LARP7: variants seen among roughly 807,000 people sequenced by gnomAD.
LARP7 encodes La ribonucleoprotein 7, transcriptional regulator, also known as la-related protein 7.
In LARP7, 52 loss-of-function variants were observed where a neutral mutation model predicts 69.3. The ratio of observed to expected loss-of-function variants is 0.75; its 90% CI spans 0.60 to 0.95. The LOEUF (loss-of-function observed/expected upper bound fraction) is 0.95, where lower values mean the gene tolerates loss of function less well. Ranked by LOEUF, LARP7 falls within the 40% of genes least tolerant of loss-of-function variation. LARP7 has a pLI of 0.00. For missense variants in LARP7, 733 were observed against 673.0 expected (o/e 1.09, Z -0.99); for synonymous variants, 254 against 215.9 (o/e 1.18, Z -1.55).
At chr4:112,638,235 A>G (rs1269472703) in intron 1 of LARP7, among the ~76,000 whole-genome samples, 3 of 151,906 alleles carry the variant, frequency 2.0e-5, no homozygotes, top group African/African-American at 7.3e-5. Flanking sequence ...AGCAGAGATT[A>G]CAGTGAGCCG....
At chr4:112,642,744 A>G (rs1033416440) in intron 1 of LARP7, among the ~76,000 whole-genome samples, 9 of 152,238 alleles carry the variant, frequency 5.9e-5, no homozygotes, top group Non-Finnish European at 1.0e-4. Context: ...ACAGGCATGT[A>G]TGCCTTCCCT....
rs745835375 is a variant in LARP7 at position 112,657,301 on chromosome 4, CAT to C, written c.1727_1728del (p.Ile576LysfsTer4). 1.2e-5 allele frequency: 19 copies of C among 1,577,958 alleles called. No homozygotes were observed. The highest frequency in any genetic ancestry group is 1.0e-5 in the Non-Finnish European group (12 of 1,159,188). On this transcript the variant is annotated frameshift_variant, in exon 13 of 13. Coordinates refer to ENST00000344442, the MANE Select transcript of LARP7 (RefSeq NM_016648.4). LOFTEE classifies it high-confidence loss of function. ...RLAKTQQASKHIRFSEYD is the reference protein window; with the variant it reads ...RLAKTQQASKXIRFSEYD ...GGCAAAGACTCAACAAGCGAGTAAA[CAT>C]ATAAGATTTTCTGAATATGATTGAA...
intron 12 of LARP7, chr4:112,655,568 A>G (rs928092715): frequency 1.3e-5 from 2 of 152,222 alleles, no homozygotes; most frequent in Admixed American, 1.3e-4. Context: ...AGTTTAGCCA[A>G]CTTGTTTGCT....
intron 12 of LARP7, among the ~76,000 whole-genome samples, chr4:112,656,146 T>G (rs1174840482): frequency 6.6e-6 from 1 of 152,210 alleles, no homozygotes; most frequent in Non-Finnish European, 1.5e-5. Context: ...GGCTCATGCC[T>G]ATAATCCCAG....
In LARP7 at chr4:112,647,296, C is replaced by G. The variant is rs186223016; in HGVS notation, c.744C>G (p.Ile248Met). ...EENMDTSNTS[I>M]SKMKRSRPTS... ...ACATGGACACAAGCAACACCAGCATCAGTAAAATGAAAAGATCCAGACCCA... is the reference window on the plus strand; with the variant it reads ...ACATGGACACAAGCAACACCAGCATGAGTAAAATGAAAAGATCCAGACCCA... The change falls in exon 7 of 13, where the codon ATC becomes ATG. Residue 248 changes from isoleucine to methionine, a missense_variant. By Grantham distance (10) the Ile-to-Met change is conservative. Transcript: ENST00000344442. The G allele has an allele frequency of 1.2e-6, 2 of 1,613,946 alleles. No individual in the cohort carries two copies. Among genetic ancestry groups the G allele is most frequent in the African/African-American group, 1.3e-5 (1 of 75,014 alleles).
rs1412647447 is a variant in LARP7 at position 112,647,117 on chromosome 4, A to C, written c.636A>C (p.Leu212Phe). The change falls in exon 6 of 13, where the codon TTA becomes TTC. Residue 212 changes from leucine (L) to phenylalanine (F), a missense_variant. Transcript: ENST00000344442. ...TGAAAAATAAGCCCATTCCAGCCTT[A>C]AGAGTTGTGGGTGAGTATTTTTCAA... is the stretch of plus-strand genomic sequence containing the variant. ...KTVKNKPIPA[L>F]RVVEEKKKKK... 5 of 1,607,848 alleles carry C rather than the reference A, an allele frequency of 3.1e-6. No individual in the cohort carries two copies. Among genetic ancestry groups the C allele is most frequent in the Non-Finnish European group, 4.2e-6 (5 of 1,178,654 alleles).
chr4:112,648,043 C>T (rs2048422165), intron 8 of LARP7: 2 of 654,380 alleles, frequency 3.1e-6, no homozygotes, highest in Non-Finnish European at 5.9e-6. Context: ...TGTCATGTCA[C>T]AGCAAGTGCC....
At position 112,647,110 on chromosome 4, in the gene LARP7, CAGCCTTAAG is replaced by C. The variant is rs773778731; in HGVS notation, c.632_640del (p.Ala211_Arg213del). The C allele has an allele frequency of 6.2e-7, 1 of 1,609,808 alleles. No individual in the cohort carries two copies. Among genetic ancestry groups the C allele is most frequent in the Non-Finnish European group, 8.5e-7 (1 of 1,179,106 alleles). On this transcript the variant is annotated inframe_deletion, in exon 6 of 13. Coordinates refer to ENST00000344442, the MANE Select transcript of LARP7 (RefSeq NM_016648.4). ...AAAACAGTGAAAAATAAGCCCATTC[CAGCCTTAAG>C]AGTTGTGGGTGAGTATTTTTCAATA...
intron 2 of LARP7, among the ~76,000 whole-genome samples, chr4:112,646,003 T>TG (rs2048196832): frequency 3.1e-5 from 4 of 129,024 alleles, no homozygotes; most frequent in African/African-American, 1.5e-4. Context: ...CAGTTTTTTT[T>TG]TGTTTGTTTT....
At chr4:112,648,181 T>A (rs1176217181) in intron 8 of LARP7, 6 of 531,394 alleles carry the variant, frequency 1.1e-5, no homozygotes, top group Non-Finnish European at 2.3e-5. Context: ...AAGGAAGACT[T>A]ACCATCACCA....
intron 10 of LARP7, among the ~76,000 whole-genome samples, chr4:112,651,557 TTAAA>T (rs1473548573): frequency 5.3e-5 from 8 of 152,218 alleles, no homozygotes; most frequent in African/African-American, 1.9e-4. Context: ...AATCAACTCA[TTAAA>T]TAACTTCTGT....
intron 12 of LARP7, 102 bp downstream of exon 12, chr4:112,654,261 C>T (rs988577249): frequency 5.6e-5 from 44 of 781,568 alleles, no homozygotes; most frequent in Non-Finnish European, 8.8e-5. Context: ...TTTGCTATTA[C>T]CTAACAAAAA....
In LARP7 at chr4:112,653,060, A is replaced by G. The variant is rs752294586; in HGVS notation, c.1417-17A>G. The G allele has an allele frequency of 2.6e-6, 4 of 1,559,928 alleles. No homozygotes were observed. The highest frequency in any genetic ancestry group is 3.5e-6 in the Non-Finnish European group (4 of 1,158,588). On this transcript the variant is annotated splice_polypyrimidine_tract_variant and intron_variant, in intron 10 of 12. Transcript: ENST00000344442. ...CTTTTTAAATTTTATTTGTCTTTCTACTTAACTCTAATGCAGGATACTTTG... is the reference window on the plus strand; with the variant it reads ...CTTTTTAAATTTTATTTGTCTTTCTGCTTAACTCTAATGCAGGATACTTTG...
intron 1 of LARP7, among the ~76,000 whole-genome samples, chr4:112,639,141 G>A (rs1256101045): frequency 6.6e-6 from 1 of 151,218 alleles, no homozygotes; most frequent in Non-Finnish European, 1.5e-5. Flanking sequence ...TTACAAAAGT[G>A]TATATAAAGT....
At chr4:112,644,406 AT>A in intron 1 of LARP7, 2 of 922,958 alleles carry the variant, frequency 2.2e-6, no homozygotes, top group Non-Finnish European at 1.4e-6. Flanking sequence ...TAAAGGTGTA[AT>A]TTTTTATATT....
intron 9 of LARP7, 102 bp downstream of exon 9, chr4:112,649,788 T>G (rs2048625520): frequency 1.4e-6 from 1 of 712,900 alleles, no homozygotes; most frequent in Admixed American, 3.8e-5. Flanking sequence ...AAAAACTTGA[T>G]TATTCTATTT....
At chr4:112,655,365 C>G (rs913870193) in intron 12 of LARP7, 2 of 152,026 alleles carry the variant, frequency 1.3e-5, no homozygotes, top group Non-Finnish European at 2.9e-5. Context: ...AAATTTAGAG[C>G]TCATCTTTGA....
rs2048609833 is a variant in LARP7 at position 112,649,614 on chromosome 4, CAAATA to C, written c.1227_1231del (p.Lys410ArgfsTer19). On this transcript the variant is annotated frameshift_variant, in exon 9 of 13. Transcript: ENST00000344442. LOFTEE classifies it high-confidence loss of function. ...GGCTTCTTTAAAAAAAACAATATCC[CAAATA>C]AAATCAGAGTCAGAAATGGAAACAG... is the stretch of plus-strand genomic sequence containing the variant. 1.1e-5 allele frequency: 17 copies of C among 1,607,622 alleles called. No homozygotes were observed. Among genetic ancestry groups the C allele is most frequent in the Non-Finnish European group, 1.4e-5 (17 of 1,176,580 alleles).
Position 112,654,111 on chromosome 4 carries a change from A to G in LARP7, c.1620A>G (p.Arg540=), listed in dbSNP as rs1263344984. 2.5e-6 allele frequency: 4 copies of G among 1,613,910 alleles called. No individual in the cohort carries two copies. In the South Asian group the frequency reaches 4.4e-5, roughly 18 times the overall value. Residue 540 remains arginine, a synonymous_variant, in exon 12 of 13, where the codon AGA becomes AGG. Coordinates refer to ENST00000344442, the MANE Select transcript of LARP7 (RefSeq NM_016648.4). The part of the protein sequence containing the change: ...QRYWQKILVD[R]QAKLNQPREK... The stretch of plus-strand genomic sequence containing the variant: ...ATTGGCAGAAGATTTTGGTTGATAG[A>G]CAGGCAAAACTTAATCAGCCTCGGG...
Sources: allele counts gnomAD v4.1 joint callset (sites outside exome capture counted in the v4.1 genomes callset), GRCh38; gene constraint gnomAD v4.1.1; transcripts MANE v1.5; gene names NCBI Gene and HGNC (gene_info 2026-07-23, HGNC 2026-07-21).